The following MEGF9 variants were observed in gnomAD, a reference collection of about 807,000 sequenced individuals.
The protein encoded by MEGF9 is multiple epidermal growth factor-like domains protein 9.
Under a neutral mutation model 46.8 loss-of-function variants are expected in MEGF9, and 6 were observed. The observed-to-expected ratio is 0.13, with a 90% CI of 0.07 to 0.25. The LOEUF (loss-of-function observed/expected upper bound fraction) is 0.25. MEGF9 is among the 10% of genes least tolerant of loss of function. The probability of loss-of-function intolerance (pLI) is 1.00; values close to 1 mark genes in which losing one functional copy is unlikely to be tolerated. For missense variants in MEGF9, 683 were observed against 792.4 expected (o/e 0.86, Z 1.66); for synonymous variants, 302 against 330.7 (o/e 0.91, Z 0.94).
chr9:120,618,635 AGTC>A (rs1430466475), intron 3 of MEGF9, among the ~76,000 whole-genome samples: 1 of 152,130 alleles, frequency 6.6e-6, no homozygotes, highest in East Asian at 1.9e-4. Flanking sequence ...CCGTGGCTCA[AGTC>A]TGTAATCCCA....
At chr9:120,689,022 C>T (rs528095515) in intron 1 of MEGF9, among the ~76,000 whole-genome samples, 2 of 152,222 alleles carry the variant, frequency 1.3e-5, no homozygotes, top group East Asian at 1.9e-4. Flanking sequence ...GCTGGAGATA[C>T]AACAATGAGA....
At chr9:120,652,181 C>CAAAAAAAAAAA (rs869214058) in intron 2 of MEGF9, among the ~76,000 whole-genome samples, 2 of 9,094 alleles carry the variant, frequency 2.2e-4, no homozygotes, top group African/African-American at 8.1e-4. Context: ...CACACACACA[C>CAAAAAAAAAAA]AAAAAAAAAA....
chr9:120,677,483 A>G (rs1305801060), intron 1 of MEGF9, among the ~76,000 whole-genome samples: 1 of 152,166 alleles, frequency 6.6e-6, no homozygotes, highest in Non-Finnish European at 1.5e-5. Flanking sequence ...TCAAATGATT[A>G]CCAAATGGTG....
rs990919306 is a variant in MEGF9 at position 120,665,105 on chromosome 9, T to C, written c.602-5530A>G. ...ACCCTATTGTGCTACAGAACATCAGTACTCATTTAGTACTATCCAGCTATA... is the reference window on the plus strand; with the variant it reads ...ACCCTATTGTGCTACAGAACATCAGCACTCATTTAGTACTATCCAGCTATA... On this transcript the variant is annotated intron_variant, in intron 1 of 5. Coordinates refer to ENST00000373930, the MANE Select transcript of MEGF9 (RefSeq NM_001080497.3). Among the ~76,000 whole-genome samples, 6 of 152,304 alleles carry C rather than the reference T, an allele frequency of 3.9e-5. No individual in the cohort carries two copies. The East Asian group carries it at 9.6e-4, about 24-fold the overall frequency.
rs1286954392 is a variant in MEGF9 at position 120,601,751 on chromosome 9, T to C, written c.*3439A>G. The C allele has an allele frequency of 6.6e-6, 1 of 152,042 alleles. No homozygotes were observed. Among genetic ancestry groups the C allele is most frequent in the Admixed American group, 6.6e-5 (1 of 15,266 alleles). The allele number at this position is 152,042 out of a possible 1,614,324, so 9.4% of individuals were successfully genotyped here. A position where few individuals can be genotyped will look rare whatever the true frequency, so the allele number is the denominator to read the frequency against. On this transcript the variant is annotated 3_prime_UTR_variant, in exon 6 of 6. Coordinates refer to ENST00000373930, the MANE Select transcript of MEGF9 (RefSeq NM_001080497.3). Reference sequence around the variant, plus strand: ...TTTCTCTATAACTGGAGAAATTCCATTAATAAAAGAACCCTAGGGGATAGA... The same window carrying C: ...TTTCTCTATAACTGGAGAAATTCCACTAATAAAAGAACCCTAGGGGATAGA...
intron 2 of MEGF9, among the ~76,000 whole-genome samples, chr9:120,658,674 C>T (rs1486971140): frequency 6.6e-6 from 1 of 152,140 alleles, no homozygotes; most frequent in Non-Finnish European, 1.5e-5. Context: ...AATACTGTCT[C>T]TTCAGTTTTT....
Position 120,714,245 on chromosome 9 carries a change from C to G in MEGF9, c.114G>C (p.Ala38=). The G allele has an allele frequency of 8.1e-7, 1 of 1,229,120 alleles. No homozygotes were observed. Among genetic ancestry groups the G allele is most frequent in the Non-Finnish European group, 1.0e-6 (1 of 992,054 alleles). The allele number at this position is 1,229,120 out of a possible 1,614,324, so 76.1% of individuals were successfully genotyped here. A position where few individuals can be genotyped will look rare whatever the true frequency, so the allele number is the denominator to read the frequency against. Residue 38 remains alanine, a synonymous_variant, in exon 1 of 6, where the codon GCG becomes GCC. Coordinates refer to ENST00000373930, the MANE Select transcript of MEGF9 (RefSeq NM_001080497.3). The stretch of plus-strand genomic sequence containing the variant: ...CCCCGCCGCCACCGGTGACATTCCC[C>G]GCCGAGGCGGCTGAGGCGACGGCGG... ...AAAAVASAAS[A]GNVTGGGGAA... is the part of the protein sequence containing the mutation.
At chr9:120,702,320 G>A (rs959595011) in intron 1 of MEGF9, among the ~76,000 whole-genome samples, 1 of 152,150 alleles carries the variant, frequency 6.6e-6, no homozygotes, top group African/African-American at 2.4e-5. Context: ...ATAGTTAAGT[G>A]GCCCTGGGTA....
chr9:120,681,688 A>G (rs1456798902), intron 1 of MEGF9, among the ~76,000 whole-genome samples: 1 of 152,038 alleles, frequency 6.6e-6, no homozygotes, highest in East Asian at 1.9e-4. Context: ...TATCCTAATT[A>G]CCATATACCT....
At chr9:120,695,050 AAG>A (rs1228133744) in intron 1 of MEGF9, among the ~76,000 whole-genome samples, 7 of 150,814 alleles carry the variant, frequency 4.6e-5, no homozygotes, top group Admixed American at 6.6e-5. Context: ...AAAAAAAAAA[AAG>A]AGAGAGAGAG....
chr9:120,648,712 CT>C (rs1443970363), intron 2 of MEGF9, among the ~76,000 whole-genome samples: 1 of 152,080 alleles, frequency 6.6e-6, no homozygotes, highest in African/African-American at 2.4e-5. Flanking sequence ...ATCAAATAAC[CT>C]TTTTCTCAAT....
At chr9:120,630,964 G>C (rs1158658547) in intron 2 of MEGF9, among the ~76,000 whole-genome samples, 3 of 152,134 alleles carry the variant, frequency 2.0e-5, no homozygotes, top group Non-Finnish European at 4.4e-5. Flanking sequence ...TGCCTTTGCT[G>C]TGCAAACGTT....
chr9:120,616,413 C>G (rs1287942020), intron 3 of MEGF9, among the ~76,000 whole-genome samples: 3 of 152,014 alleles, frequency 2.0e-5, no homozygotes, highest in Non-Finnish European at 4.4e-5. Flanking sequence ...GGTGCGGTGG[C>G]TCACACCTGT....
At chr9:120,691,526 C>A in intron 1 of MEGF9, 2 of 334,888 alleles carry the variant, frequency 6.0e-6, no homozygotes, top group Non-Finnish European at 6.2e-6. Flanking sequence ...AGCTCTTCAC[C>A]AAGATTAACT....
At chr9:120,689,516 T>C (rs2043838943) in intron 1 of MEGF9, among the ~76,000 whole-genome samples, 1 of 152,000 alleles carries the variant, frequency 6.6e-6, no homozygotes, top group African/African-American at 2.4e-5. Context: ...AAAGAATGAA[T>C]GCAAAGAGAC....
intron 3 of MEGF9, 88 bp from the exon 4 acceptor site, chr9:120,612,627 A>T: frequency 8.0e-7 from 1 of 1,245,256 alleles, no homozygotes; most frequent in Non-Finnish European, 1.1e-6. Context: ...CAAAAAGATC[A>T]TAAGAAAAAG....
Position 120,690,076 on chromosome 9 carries a change from C to T in MEGF9, c.601+23682G>A, listed in dbSNP as rs192795671. 9 of 462,274 alleles carry T rather than the reference C, an allele frequency of 1.9e-5. No individual in the cohort carries two copies. In the East Asian group the frequency reaches 2.0e-4, roughly 10 times the overall value. 28.6% of individuals were successfully genotyped at this position (462,274 alleles called of 1,614,324 possible). A position where few individuals can be genotyped will look rare whatever the true frequency, so the allele number is the denominator to read the frequency against. On this transcript the variant is annotated intron_variant, in intron 1 of 5. Coordinates refer to ENST00000373930, the MANE Select transcript of MEGF9 (RefSeq NM_001080497.3). Reference sequence around the variant, plus strand: ...AGATATTTTCCAAAGAAGGAGTTCACGCTGGGCTCCCTCAGTTGGAAAGCC... The same window carrying T: ...AGATATTTTCCAAAGAAGGAGTTCATGCTGGGCTCCCTCAGTTGGAAAGCC...
intron 2 of MEGF9, among the ~76,000 whole-genome samples, chr9:120,657,434 C>T (rs1487868619): frequency 6.6e-6 from 1 of 152,154 alleles, no homozygotes; most frequent in Non-Finnish European, 1.5e-5. Context: ...GTTTTTTCCT[C>T]TTTTACAGCT....
intron 1 of MEGF9, among the ~76,000 whole-genome samples, chr9:120,663,038 T>C (rs1408270823): frequency 1.1e-4 from 16 of 152,208 alleles, no homozygotes. Context: ...TTATATATCC[T>C]TGGTACTAAT....
Sources: gnomAD v4.1 joint callset for allele counts (sites outside exome capture counted in the v4.1 genomes callset) on GRCh38, gnomAD v4.1.1 for gene constraint, MANE v1.5 for transcripts, NCBI Gene and HGNC (gene_info 2026-07-23, HGNC 2026-07-21) for gene names.